Variants in LRRC23 observed in about 807,000 individuals in gnomAD.
LRRC23 encodes the protein leucine-rich repeat-containing protein 23.
A neutral mutation model predicts 37.7 loss-of-function variants in LRRC23; 28 were observed. The observed-to-expected ratio is 0.74, with a 90% CI of 0.55 to 1.02. The LOEUF (loss-of-function observed/expected upper bound fraction) is 1.02, where lower values mean the gene tolerates loss of function less well. Among genes scored for constraint, LRRC23 ranks in the 50% least tolerant of loss-of-function variants. The pLI, the probability that LRRC23 is intolerant of heterozygous loss-of-function variation, is 0.00. For synonymous variants in LRRC23, 161 were observed against 165.4 expected (o/e 0.97, Z 0.20); for missense variants, 377 against 413.2 (o/e 0.91, Z 0.76).
intron 6 of LRRC23, 135 bp downstream of exon 6, chr12:6,910,161 C>A: frequency 1.2e-6 from 1 of 811,628 alleles, no homozygotes; most frequent in Non-Finnish European, 1.9e-6. Flanking sequence ...GCTTTCCTTC[C>A]TTTCTTCTGC....
At chr12:6,911,752 A>G (rs1945166130) in intron 6 of LRRC23, among the ~76,000 whole-genome samples, 1 of 152,204 alleles carries the variant, frequency 6.6e-6, no homozygotes, top group Non-Finnish European at 1.5e-5. Flanking sequence ...TCACGCCTGT[A>G]ATCCCAGCAC....
intron 5 of LRRC23, among the ~76,000 whole-genome samples, chr12:6,909,481 A>T (rs182781110): frequency 0.29 from 20,291 of 70,430 alleles, 5,516 homozygotes; most frequent in African/African-American, 0.68. Flanking sequence ...TATTTTATAT[A>T]TTATATAATA....
Position 6,914,057 on chromosome 12 carries a change from G to A in LRRC23, c.*191G>A, listed in dbSNP as rs782588959. 3 of 1,595,044 alleles carry A rather than the reference G, an allele frequency of 1.9e-6. No individual in the cohort carries two copies. In the South Asian group the frequency reaches 3.4e-5, roughly 18 times the overall value. On this transcript the variant is annotated 3_prime_UTR_variant, in exon 8 of 8. Transcript: ENST00000443597. This position sits in a 1 kb window ranked among gnomAD's most constrained non-coding sequence, Gnocchi z 7.1. The stretch of plus-strand genomic sequence containing the variant: ...GGTCCTCTGGGCAGTGTGGGGTGCA[G>A]AATGGGGTGCCTAGGCCTGAGCGTT...
rs782745218 is a variant in LRRC23 at position 6,906,589 on chromosome 12, T to C, written c.417T>C (p.Ala139=). Residue 139 remains alanine, a synonymous_variant, in exon 4 of 8, where the codon GCT becomes GCC. Coordinates refer to ENST00000443597, the MANE Select transcript of LRRC23 (RefSeq NM_001135217.2). Reference sequence around the variant, plus strand: ...ATGAACTGCCCTACCTGCAGATTGCTAGTTTTGCTTATAACCAGATTACTG... The same window carrying C: ...ATGAACTGCCCTACCTGCAGATTGCCAGTTTTGCTTATAACCAGATTACTG... ...QMNELPYLQI[A]SFAYNQITDT... is the part of the protein sequence containing the mutation. 1 of 1,614,210 alleles carries C rather than the reference T, an allele frequency of 6.2e-7. No homozygotes were observed. The highest frequency in any genetic ancestry group is 8.5e-7 in the Non-Finnish European group (1 of 1,180,040).
intron 3 of LRRC23, 106 bp downstream of exon 3, chr12:6,906,060 G>T: frequency 1.0e-6 from 1 of 1,004,506 alleles, no homozygotes; most frequent in African/African-American, 1.6e-5. Context: ...CTCTTCTCAT[G>T]CCTAGTGGAA....
chr12:6,908,261 C>G (rs1410309683), intron 5 of LRRC23, among the ~76,000 whole-genome samples: 1 of 151,994 alleles, frequency 6.6e-6, no homozygotes, highest in African/African-American at 2.4e-5. Flanking sequence ...AGTATTCCTT[C>G]CCCCAGGAAA....
intron 4 of LRRC23, 29 bp from the exon 5 acceptor site, chr12:6,907,286 C>T (rs1944971308): frequency 6.2e-7 from 1 of 1,611,990 alleles, no homozygotes; most frequent in African/African-American, 1.3e-5. Context: ...TGGAGTGGCC[C>T]TTTGAGCTCT....
chr12:6,909,785 C>T (rs2301137), intron 5 of LRRC23, 105 bp from the exon 6 acceptor site: 310,066 of 1,097,650 alleles, frequency 0.28, 44,785 homozygotes, highest in Middle Eastern at 0.36. Context: ...CCACTCCTCC[C>T]TCTCTACCTC....
At position 6,907,794 on chromosome 12, in the gene LRRC23, A is replaced by G. The variant is rs140771834; in HGVS notation, c.621+349A>G. On this transcript the variant is annotated intron_variant, in intron 5 of 7. Transcript: ENST00000443597. ...CACTACCACCACAACAATCATCAAC[A>G]TACGACTTCCGGGACCAAAGGTGTG... is the stretch of plus-strand genomic sequence containing the variant. 2,679 of 483,126 alleles carry G rather than the reference A, an allele frequency of 5.5e-3. 17 individuals carry two copies. Among genetic ancestry groups the G allele is most frequent in the Admixed American group, 9.8e-3 (290 of 29,502 alleles). 29.9% of individuals were successfully genotyped at this position (483,126 alleles called of 1,614,324 possible). A position where few individuals can be genotyped will look rare whatever the true frequency, so the allele number is the denominator to read the frequency against.
rs782621166 is a variant in LRRC23, at chr12:6,907,316, G to A, written c.492G>A (p.Gly164=). The A allele has an allele frequency of 2.4e-5, 38 of 1,613,632 alleles. No individual in the cohort carries two copies. Among genetic ancestry groups the A allele is most frequent in the Non-Finnish European group, 2.9e-5 (34 of 1,179,864 alleles). The change falls in exon 5 of 8, where the codon GGG becomes GGA. Residue 164 remains glycine (G), a splice_region_variant and synonymous_variant. Transcript: ENST00000443597. ...AGCTCTTGAAACCCTCCTCCCCAGG[G>A]AACAGCATCCACATGGTGACAGGTC... is the stretch of plus-strand genomic sequence containing the variant. ...HPRLETLNLK[G]NSIHMVTGLD... is the part of the protein sequence containing the mutation.
chr12:6,907,151 C>T (rs781895324), intron 4 of LRRC23, among the ~76,000 whole-genome samples, 164 bp from the exon 5 acceptor site: 42 of 152,194 alleles, frequency 2.8e-4, no homozygotes, highest in Non-Finnish European at 5.7e-4. Context: ...CTACCTACCA[C>T]ACCACTTGCC....
At position 6,905,666 on chromosome 12, in the gene LRRC23, G is replaced by A. The variant is rs782558837; in HGVS notation, c.33G>A (p.Glu11=). 1 of 1,613,908 alleles carries A rather than the reference G, an allele frequency of 6.2e-7. No homozygotes were observed. Among genetic ancestry groups the A allele is most frequent in the South Asian group, 1.1e-5 (1 of 91,060 alleles). The change falls in exon 2 of 8, where the codon GAG becomes GAA. Residue 11 remains glutamate, a synonymous_variant. Coordinates refer to ENST00000443597, the MANE Select transcript of LRRC23 (RefSeq NM_001135217.2). The part of the protein sequence containing the change: MSDEDDLEDS[E]PDQDDSEKEE... ...ATGAAGATGATCTAGAAGACTCTGA[G>A]CCAGACCAGGATGATTCTGAGAAAG...
chr12:6,908,617 AAAACC>A lies in LRRC23; in HGVS notation c.621+1176_621+1180del, dbSNP rs782052331. ...ATCTCAAAAAAAAAAAAAAAAAAAA[AAAACC>A]AAAGAAAAACACGGTGAAACCCCGT... On this transcript the variant is annotated intron_variant, in intron 5 of 7. Transcript: ENST00000443597. 6.0e-3 allele frequency among the ~76,000 whole-genome samples: 442 copies of A among 73,762 alleles called. 12 individuals are homozygous for A. Among genetic ancestry groups the A allele is most frequent in the African/African-American group, 0.013 (204 of 15,906 alleles). The allele number at this position is 73,762 out of a possible 152,430, so 48.4% of individuals were successfully genotyped here.
At chr12:6,905,798 A>C (rs2071071) in intron 2 of LRRC23, 39 bp downstream of exon 2, 180,150 of 1,610,394 alleles carry the variant, frequency 0.11, 12,881 homozygotes, top group African/African-American at 0.3. Context: ...GGGCTGAAGG[A>C]GGGGGTTGGG....
intron 7 of LRRC23, 104 bp from the exon 8 acceptor site, chr12:6,913,787 T>C (rs1840700427): frequency 1.0e-5 from 8 of 794,654 alleles, no homozygotes; most frequent in Non-Finnish European, 1.6e-5. Context: ...ATGGTCTGGA[T>C]CTCCTGACCT....
Position 6,907,368 on chromosome 12 carries a change from C to T in LRRC23, c.544C>T (p.His182Tyr), listed in dbSNP as rs1944973479. 1.2e-6 allele frequency: 2 copies of T among 1,613,974 alleles called. No individual in the cohort carries two copies. Among genetic ancestry groups the T allele is most frequent in the African/African-American group, 1.3e-5 (1 of 74,972 alleles). ...GGACCCCGAGAAGTTGATCAGCCTG[C>T]ACACAGTGGAGCTTCGGGGGAACCA... Reference protein sequence around the residue: ...GLDPEKLISLHTVELRGNQLE... With the variant: ...GLDPEKLISLYTVELRGNQLE... The change falls in exon 5 of 8, where the codon CAC becomes TAC. Residue 182 changes from histidine to tyrosine, a missense_variant. Around this residue, in one of 3 missense-constraint regions of LRRC23, gnomAD observed 266 missense variants for 285.6 expected, o/e 0.93. Coordinates refer to ENST00000443597, the MANE Select transcript of LRRC23 (RefSeq NM_001135217.2).
rs527850976 is a variant in LRRC23 at position 6,913,826 on chromosome 12, G to A, written c.*25-65G>A. 2.9e-3 allele frequency: 3,768 copies of A among 1,279,792 alleles called. 27 individuals are homozygous for A. The highest frequency in any genetic ancestry group is 0.016 in the South Asian group (1,022 of 64,172). The allele number at this position is 1,279,792 out of a possible 1,614,324, so 79.3% of individuals were successfully genotyped here. On this transcript the variant is annotated intron_variant, in intron 7 of 7. Transcript: ENST00000443597. Reference sequence around the variant, plus strand: ...GATCTGCCCGCCTCCGCCTTCCAAAGTGCTGGGATTACAGGGGTGAGCCAC... The same window carrying A: ...GATCTGCCCGCCTCCGCCTTCCAAAATGCTGGGATTACAGGGGTGAGCCAC...
intron 3 of LRRC23, 22 bp downstream of exon 3, chr12:6,905,976 T>C: frequency 6.3e-7 from 1 of 1,588,324 alleles, no homozygotes; most frequent in Non-Finnish European, 8.6e-7. Flanking sequence ...GGGGACCAGA[T>C]GAGGACTGTG....
chr12:6,913,549 C>CTTT (rs1945226168), intron 7 of LRRC23, among the ~76,000 whole-genome samples: 1 of 60,076 alleles, frequency 1.7e-5, no homozygotes, highest in Non-Finnish European at 2.7e-5. Context: ...TTATTTACCT[C>CTTT]TGTTTGTTTT....
Sources: gnomAD v4.1 joint callset for allele counts (sites outside exome capture counted in the v4.1 genomes callset) on GRCh38, gnomAD v4.1.1 for gene constraint, gnomAD v4.1.1 regional missense constraint, Gnocchi (gnomAD v3.1) non-coding constraint, MANE v1.5 for transcripts, NCBI Gene and HGNC (gene_info 2026-07-23, HGNC 2026-07-21) for gene names.